TP63: variants seen among roughly 807,000 people sequenced by gnomAD.
The protein encoded by TP63 is tumor protein p63.
A neutral mutation model predicts 82.8 loss-of-function variants in TP63; 17 were observed. That is an observed-to-expected ratio of 0.21 (90% CI 0.14 to 0.31). The LOEUF (loss-of-function observed/expected upper bound fraction) is 0.31. Among genes scored for constraint, TP63 ranks in the 10% least tolerant of loss-of-function variants. The pLI is 1.00. For synonymous variants in TP63, 330 were observed against 321.7 expected (o/e 1.03, Z -0.28); for missense variants, 648 against 895.3 (o/e 0.72, Z 3.52).
At chr3:189,800,576 T>C (rs1726190843) in intron 3 of TP63, among the ~76,000 whole-genome samples, 1 of 152,094 alleles carries the variant, frequency 6.6e-6, no homozygotes, top group African/African-American at 2.4e-5. Flanking sequence ...GTGATTCCTA[T>C]TTACATGCAG....
rs140155428 is a variant in TP63 at position 189,683,888 on chromosome 3, G to A, written c.62+52311G>A. On this transcript the variant is annotated intron_variant, in intron 1 of 13. Transcript: ENST00000264731. ...AAAGTGCCCAATGTTCTCACCAGAA[G>A]GAAATTTGCAGCATTCAGACATGTC... 1.3e-3 allele frequency among the ~76,000 whole-genome samples: 200 copies of A among 152,244 alleles called. 1 individual carries two copies. Among genetic ancestry groups the A allele is most frequent in the African/African-American group, 4.7e-3 (197 of 41,542 alleles).
At chr3:189,827,521 T>G (rs981462823) in intron 4 of TP63, among the ~76,000 whole-genome samples, 1 of 152,232 alleles carries the variant, frequency 6.6e-6, no homozygotes, top group East Asian at 1.9e-4. Flanking sequence ...AAACTGATTT[T>G]GCTAGTTTCA....
chr3:189,829,401 A>C (rs185975412), intron 4 of TP63, among the ~76,000 whole-genome samples: 3 of 152,232 alleles, frequency 2.0e-5, no homozygotes. Context: ...ACAAGTTAGC[A>C]TCCAACTATC....
chr3:189,824,331 C>T (rs1313064172), intron 4 of TP63, among the ~76,000 whole-genome samples: 2 of 151,996 alleles, frequency 1.3e-5, no homozygotes, highest in African/African-American at 2.4e-5. Flanking sequence ...ATTCCGGATT[C>T]GAGCCATTCT....
intron 3 of TP63, among the ~76,000 whole-genome samples, chr3:189,749,593 GT>G (rs1237632843): frequency 6.6e-6 from 1 of 152,028 alleles, no homozygotes; most frequent in East Asian, 1.9e-4. Context: ...TGGTAGGAAT[GT>G]CAATTAATAC....
At chr3:189,787,837 A>G (rs1724736999) in intron 3 of TP63, among the ~76,000 whole-genome samples, 1 of 151,242 alleles carries the variant, frequency 6.6e-6, no homozygotes, top group African/African-American at 2.5e-5. Flanking sequence ...AGCAGGCTGT[A>G]TAAAATCCAG....
At chr3:189,808,684 T>C (rs149006192) in intron 4 of TP63, among the ~76,000 whole-genome samples, 158 bp downstream of exon 4, 3 of 152,212 alleles carry the variant, frequency 2.0e-5, no homozygotes, top group South Asian at 2.1e-4. Flanking sequence ...AGAGAGAAAG[T>C]GCCAGTTAGT....
At chr3:189,637,477 A>C (rs1040947847) in intron 1 of TP63, among the ~76,000 whole-genome samples, 101 of 152,094 alleles carry the variant, frequency 6.6e-4, no homozygotes, top group Non-Finnish European at 1.3e-3. Flanking sequence ...TGGCTTGTCC[A>C]CCTCAGTTCT....
rs1717421668 is a variant in TP63, at chr3:189,864,331, G to A, written c.679G>A (p.Ala227Thr). Residue 227 changes from alanine (A) to threonine (T), a missense_variant, in exon 5 of 14, where the codon GCC becomes ACC. This residue lies in a region of TP63 where 64 missense variants were observed against 144.2 expected (regional missense o/e 0.44). Transcript: ENST00000264731. ...TPPPQGAVIRAMPVYKKAEHV... is the reference protein window; with the variant it reads ...TPPPQGAVIRTMPVYKKAEHV... ...ACCTCCTCAGGGAGCTGTTATCCGC[G>A]CCATGCCTGTCTACAAAAAAGCTGA... 2.5e-6 allele frequency: 4 copies of A among 1,614,108 alleles called. No individual in the cohort carries two copies. The highest frequency in any genetic ancestry group is 2.2e-5 in the East Asian group (1 of 44,870).
At chr3:189,703,527 GAAA>G (rs1717977111) in intron 1 of TP63, among the ~76,000 whole-genome samples, 1 of 152,208 alleles carries the variant, frequency 6.6e-6, no homozygotes, top group Non-Finnish European at 1.5e-5. Flanking sequence ...AAAAAGAAAA[GAAA>G]AGGCAGGTGG....
chr3:189,729,439 A>G (rs963099235), intron 1 of TP63, among the ~76,000 whole-genome samples: 2 of 152,200 alleles, frequency 1.3e-5, no homozygotes, highest in Non-Finnish European at 2.9e-5. Flanking sequence ...CAGGAGAGAA[A>G]AGATTTCTGA....
At chr3:189,701,937 C>A (rs1717844806) in intron 1 of TP63, among the ~76,000 whole-genome samples, 1 of 152,120 alleles carries the variant, frequency 6.6e-6, no homozygotes, top group South Asian at 2.1e-4. Context: ...TAGGTGAACA[C>A]CACATACACA....
intron 1 of TP63, among the ~76,000 whole-genome samples, chr3:189,659,465 A>AC (rs1353445205): frequency 6.6e-6 from 1 of 151,966 alleles, no homozygotes; most frequent in Non-Finnish European, 1.5e-5. Flanking sequence ...TATAATGGGA[A>AC]CCCCAAATGG....
At chr3:189,655,807 C>T (rs981926155) in intron 1 of TP63, among the ~76,000 whole-genome samples, 1 of 152,004 alleles carries the variant, frequency 6.6e-6, no homozygotes, top group African/African-American at 2.4e-5. Context: ...TAGAAAAAAC[C>T]CACACATTGT....
intron 8 of TP63, among the ~76,000 whole-genome samples, 159 bp downstream of exon 8, chr3:189,868,875 T>G (rs955780293): frequency 6.6e-6 from 1 of 152,166 alleles, no homozygotes; most frequent in African/African-American, 2.4e-5. Context: ...AGCATTGAAG[T>G]GGACTCCAGG....
chr3:189,837,451 C>CAAATTAAGAAATTTTAAATTTAAATCTT (rs71175311), intron 4 of TP63, among the ~76,000 whole-genome samples: 51,477 of 148,300 alleles, frequency 0.35, 9,031 homozygotes, highest in East Asian at 0.49. Flanking sequence ...AATCCAATTT[C>CAAATTAAGAAATTTTAAATTTAAATCTT]AAATTAAGAA....
intron 4 of TP63, among the ~76,000 whole-genome samples, chr3:189,861,001 A>G (rs1336985612): frequency 6.6e-6 from 1 of 151,880 alleles, no homozygotes; most frequent in African/African-American, 2.4e-5. Flanking sequence ...ATCCCCTCCT[A>G]CCTTCCTCAT....
At chr3:189,660,579 T>G (rs1015240986) in intron 1 of TP63, among the ~76,000 whole-genome samples, 1 of 152,144 alleles carries the variant, frequency 6.6e-6, no homozygotes, top group Admixed American at 6.6e-5. Flanking sequence ...TTTAGAATAG[T>G]TTTTTCTAGT....
chr3:189,831,653 G>GCACCGTTTGAGCT (rs572143765), intron 4 of TP63, among the ~76,000 whole-genome samples: 4 of 150,840 alleles, frequency 2.7e-5, no homozygotes, highest in Admixed American at 6.7e-5. Flanking sequence ...TTCCCATTCT[G>GCACCGTTTGAGCT]CACCGTTTGA....
Sources: gnomAD v4.1 joint callset for allele counts (sites outside exome capture counted in the v4.1 genomes callset) on GRCh38, gnomAD v4.1.1 for gene constraint, gnomAD v4.1.1 regional missense constraint, MANE v1.5 for transcripts, NCBI Gene and HGNC (gene_info 2026-07-23, HGNC 2026-07-21) for gene names.